The following SV2C variants were observed in gnomAD, a reference collection of about 807,000 sequenced individuals.
The protein encoded by SV2C is synaptic vesicle glycoprotein 2C, also known as solute carrier family 22 member B3.
Under a neutral mutation model 79.7 loss-of-function variants are expected in SV2C, and 49 were observed. The ratio of observed to expected loss-of-function variants is 0.61; its 90% CI spans 0.49 to 0.78. SV2C has a LOEUF of 0.78. SV2C is among the 30% of genes least tolerant of loss of function. SV2C has a pLI of 0.00. For missense variants in SV2C, 833 were observed against 912.9 expected (o/e 0.91, Z 1.13); for synonymous variants, 334 against 333.2 (o/e 1.00, Z -0.03).
chr5:75,908,425 A>G, the SV2C span, among the ~76,000 whole-genome samples: 2 of 152,218 alleles, frequency 1.3e-5, no homozygotes, highest in African/African-American at 2.4e-5. Flanking sequence ...ATAATATTCC[A>G]TTATAGAGAT....
chr5:76,306,986 G>A (rs1346571741), intron 12 of SV2C, among the ~76,000 whole-genome samples: 1 of 152,152 alleles, frequency 6.6e-6, no homozygotes, highest in Non-Finnish European at 1.5e-5. Context: ...TGTAGAGGGG[G>A]ATGATCTACA....
rs1049919806 is a variant in SV2C, at chr5:76,274,844, A to G, written c.914-10318A>G. Among the ~76,000 whole-genome samples, 3 of 152,164 alleles carry G rather than the reference A, an allele frequency of 2.0e-5. No homozygotes were observed. In the East Asian group the frequency reaches 5.8e-4, roughly 29 times the overall value. On this transcript the variant is annotated intron_variant, in intron 4 of 12. Transcript: ENST00000502798. ...AGGATTAATGTTTCATGCAGATTAC[A>G]TAGTATTTATATTTTAAACCTGTGA...
At chr5:76,234,637 C>T (rs543677525) in intron 4 of SV2C, among the ~76,000 whole-genome samples, 1 of 152,338 alleles carries the variant, frequency 6.6e-6, no homozygotes, top group South Asian at 2.1e-4. Context: ...ATCACTGCCA[C>T]CGTCCTTAAA....
At chr5:75,973,939 AT>A in the SV2C span, among the ~76,000 whole-genome samples, 1 of 151,942 alleles carries the variant, frequency 6.6e-6, no homozygotes, top group South Asian at 2.1e-4. Flanking sequence ...TTTAGAGAGA[AT>A]TTTTTTGTTA....
the SV2C span, among the ~76,000 whole-genome samples, chr5:75,895,531 T>A: frequency 6.6e-6 from 1 of 152,216 alleles, no homozygotes; most frequent in East Asian, 1.9e-4. Context: ...GGTGGGGAAT[T>A]GCCTCAGTGC....
the SV2C span, among the ~76,000 whole-genome samples, chr5:75,975,701 A>G: frequency 6.6e-6 from 1 of 152,206 alleles, no homozygotes; most frequent in Non-Finnish European, 1.5e-5. Flanking sequence ...CTTTATATGC[A>G]GAGCCTTGGG....
intron 2 of SV2C, among the ~76,000 whole-genome samples, chr5:76,156,018 G>A (rs1281063866): frequency 6.6e-6 from 1 of 151,358 alleles, no homozygotes; most frequent in Non-Finnish European, 1.5e-5. Context: ...TAGATTCATT[G>A]GAGATATAGA....
At chr5:75,952,469 G>A in the SV2C span, among the ~76,000 whole-genome samples, 1 of 151,824 alleles carries the variant, frequency 6.6e-6, no homozygotes, top group South Asian at 2.1e-4. Flanking sequence ...CAAATCTCAG[G>A]TTGAAATGTA....
chr5:75,911,189 C>A, the SV2C span: 1 of 1,594,820 alleles, frequency 6.3e-7, no homozygotes, highest in Non-Finnish European at 8.6e-7. Flanking sequence ...CCTCTACCAG[C>A]CTGCAATGGC....
At chr5:76,009,579 C>T in the SV2C span, among the ~76,000 whole-genome samples, 431 of 152,280 alleles carry the variant, frequency 2.8e-3, 4 homozygotes, top group Non-Finnish European at 3.5e-3. Context: ...ACTACACAGC[C>T]ATGAGAAGAA....
At chr5:75,967,373 C>T in the SV2C span, among the ~76,000 whole-genome samples, 1 of 152,196 alleles carries the variant, frequency 6.6e-6, no homozygotes, top group Non-Finnish European at 1.5e-5. Context: ...CAGGGCAAGG[C>T]ATCACCTCAC....
At chr5:76,217,202 C>T (rs1021994721) in intron 4 of SV2C, among the ~76,000 whole-genome samples, 4 of 152,168 alleles carry the variant, frequency 2.6e-5, no homozygotes, top group African/African-American at 7.2e-5. Flanking sequence ...AGACTTACCC[C>T]ACCCTACGTC....
At chr5:76,255,750 C>A (rs192170155) in intron 4 of SV2C, among the ~76,000 whole-genome samples, 133 of 152,324 alleles carry the variant, frequency 8.7e-4, no homozygotes, top group African/African-American at 3.1e-3. Flanking sequence ...GCCCCCCTCA[C>A]CCCTCAGGTT....
the SV2C span, chr5:76,075,966 A>G: frequency 5.6e-6 from 1 of 177,710 alleles, no homozygotes; most frequent in African/African-American, 2.4e-5. Context: ...CCAATTAGTT[A>G]TGTAAAATTC....
rs1318865930 is a variant in SV2C at position 76,327,710 on chromosome 5, C to G, written c.*2163C>G. 1 of 152,210 alleles carries G rather than the reference C, an allele frequency of 6.6e-6. No individual in the cohort carries two copies. The highest frequency in any genetic ancestry group is 1.5e-5 in the Non-Finnish European group (1 of 68,044). The allele number at this position is 152,210 out of a possible 1,614,324, so 9.4% of individuals were successfully genotyped here. ...GTACATGGGCATCGCTGTCTCTAGT[C>G]CTCTGTGATAGTTCACTTTGCTAAC... On this transcript the variant is annotated 3_prime_UTR_variant, in exon 13 of 13. Transcript: ENST00000502798.
the SV2C span, among the ~76,000 whole-genome samples, chr5:76,031,255 T>G: frequency 6.6e-6 from 1 of 152,234 alleles, no homozygotes; most frequent in Non-Finnish European, 1.5e-5. Context: ...GCATGTTGCC[T>G]GCTCATCACA....
At chr5:75,988,954 T>G in the SV2C span, among the ~76,000 whole-genome samples, 2 of 151,946 alleles carry the variant, frequency 1.3e-5, no homozygotes, top group South Asian at 4.1e-4. Flanking sequence ...TATATTTACC[T>G]TCCCATAGTT....
At chr5:75,852,680 G>A in the SV2C span, among the ~76,000 whole-genome samples, 3 of 152,034 alleles carry the variant, frequency 2.0e-5, no homozygotes, top group Admixed American at 6.5e-5. Context: ...TAAAAAATTA[G>A]CTGGGCGTGG....
intron 2 of SV2C, among the ~76,000 whole-genome samples, chr5:76,140,782 G>C (rs1246295161): frequency 6.6e-6 from 1 of 152,134 alleles, no homozygotes; most frequent in African/African-American, 2.4e-5. Flanking sequence ...GTACACTGCA[G>C]ACTTTAGGAT....
Sources: gnomAD v4.1 joint callset for allele counts (sites outside exome capture counted in the v4.1 genomes callset) on GRCh38, gnomAD v4.1.1 for gene constraint, MANE v1.5 for transcripts, NCBI Gene and HGNC (gene_info 2026-07-23, HGNC 2026-07-21) for gene names.